Variants in ZNF407 observed in about 807,000 individuals in gnomAD.
ZNF407 encodes zinc finger protein 407.
In ZNF407, 17 loss-of-function variants were observed where a neutral mutation model predicts 131.2. The ratio of observed to expected loss-of-function variants is 0.13; its 90% CI spans 0.09 to 0.19. ZNF407 has a LOEUF of 0.19. Among genes scored for constraint, ZNF407 ranks in the 10% least tolerant of loss-of-function variants. The pLI is 1.00. For missense variants in ZNF407, 2,681 were observed against 2,830.6 expected, an observed-to-expected ratio of 0.95 and a Z score of 1.20; for synonymous variants, 1,156 against 1,062.0, an observed-to-expected ratio of 1.09 and a Z score of -1.72.
intron 8 of ZNF407, among the ~76,000 whole-genome samples, chr18:74,964,146 A>T (rs1972381473): frequency 6.6e-6 from 1 of 152,212 alleles, no homozygotes; most frequent in Non-Finnish European, 1.5e-5. Context: ...GTTATATAAC[A>T]GACTTTCATA....
intron 4 of ZNF407, among the ~76,000 whole-genome samples, chr18:74,859,546 A>C (rs1970908127): frequency 6.6e-6 from 1 of 152,198 alleles, no homozygotes; most frequent in Non-Finnish European, 1.5e-5. Flanking sequence ...TTTTTGTAGG[A>C]AAGTAGAAAG....
intron 8 of ZNF407, among the ~76,000 whole-genome samples, chr18:74,942,388 A>C (rs1013174022): frequency 1.3e-5 from 2 of 152,176 alleles, no homozygotes; most frequent in Non-Finnish European, 2.9e-5. Context: ...ATTGATGCCA[A>C]ACATGGAGGA....
chr18:74,689,108 C>T lies in ZNF407; in HGVS notation c.4802+47986C>T, dbSNP rs559287. On this transcript the variant is annotated intron_variant, in intron 3 of 8. Transcript: ENST00000299687. The stretch of plus-strand genomic sequence containing the variant: ...CTCCCAAAGTGCTGGGATTCACAGA[C>T]GTGAGCCACTGTGCTGGCCTATATC... Among the ~76,000 whole-genome samples the T allele has an allele frequency of 4.3e-3, 655 of 152,276 alleles. 5 individuals carry two copies. The highest frequency in any genetic ancestry group is 0.015 in the African/African-American group (623 of 41,572).
chr18:74,881,118 A>G lies in ZNF407; in HGVS notation c.5127A>G (p.Thr1709=). Residue 1709 remains threonine (T), a splice_region_variant and synonymous_variant, in exon 6 of 9, where the codon ACA becomes ACG. Coordinates refer to ENST00000299687, the MANE Select transcript of ZNF407 (RefSeq NM_017757.3). ...TCACCAAGCATCGCAGACAGCACAC[A>G]GGTCAGTTCCGATGCTGCACTGGCC... ...HALTKHRRQH[T]GEKPFKCDEC... is the part of the protein sequence containing the mutation. 1 of 1,570,048 alleles carries G rather than the reference A, an allele frequency of 6.4e-7. No homozygotes were observed. The highest frequency in any genetic ancestry group is 8.6e-7 in the Non-Finnish European group (1 of 1,158,068).
At chr18:74,787,873 T>C (rs9646578) in intron 4 of ZNF407, among the ~76,000 whole-genome samples, 121,055 of 152,220 alleles carry the variant, frequency 0.8, 51,809 homozygotes, top group East Asian at 0.96. Flanking sequence ...TCATAAAAGT[T>C]ACATGTTTAT....
At chr18:75,060,780 CAG>C (rs1232996628) in intron 8 of ZNF407, among the ~76,000 whole-genome samples, 1 of 152,232 alleles carries the variant, frequency 6.6e-6, no homozygotes, top group Non-Finnish European at 1.5e-5. Flanking sequence ...GCTGGGATGA[CAG>C]GCGTCGGCCA....
intron 7 of ZNF407, among the ~76,000 whole-genome samples, chr18:74,904,272 A>G (rs1364617148): frequency 6.6e-6 from 1 of 152,258 alleles, no homozygotes; most frequent in Non-Finnish European, 1.5e-5. Flanking sequence ...TATCAGAGGA[A>G]AATCTTCCAG....
At chr18:75,028,216 C>A (rs138210372) in intron 8 of ZNF407, among the ~76,000 whole-genome samples, 187 of 152,344 alleles carry the variant, frequency 1.2e-3, no homozygotes, top group African/African-American at 4.4e-3. Flanking sequence ...ATGGGCTGGG[C>A]GGCTTAAACA....
At chr18:75,030,517 G>A (rs1040692076) in intron 8 of ZNF407, among the ~76,000 whole-genome samples, 1 of 152,196 alleles carries the variant, frequency 6.6e-6, no homozygotes, top group African/African-American at 2.4e-5. Context: ...TCTGCAGGCT[G>A]ATAAAGTATT....
rs757314870 is a variant in ZNF407, at chr18:74,631,682, C to T, written c.663C>T (p.Ser221=). 1.9e-6 allele frequency: 3 copies of T among 1,613,816 alleles called. No homozygotes were observed. The African/African-American group carries it at 4.0e-5, about 22-fold the overall frequency. ...QPKEHTCCHC[S]HKAESSSALH... is the part of the protein sequence containing the mutation. Reference sequence around the variant, plus strand: ...AGGAACATACCTGTTGTCACTGCAGCCACAAAGCAGAGAGCAGCTCAGCAC... The same window carrying T: ...AGGAACATACCTGTTGTCACTGCAGTCACAAAGCAGAGAGCAGCTCAGCAC... The change falls in exon 2 of 9, where the codon AGC becomes AGT. Residue 221 remains serine, a synonymous_variant. Coordinates refer to ENST00000299687, the MANE Select transcript of ZNF407 (RefSeq NM_017757.3).
At chr18:74,900,533 C>G (rs1971510392) in intron 7 of ZNF407, among the ~76,000 whole-genome samples, 1 of 152,186 alleles carries the variant, frequency 6.6e-6, no homozygotes, top group South Asian at 2.1e-4. Flanking sequence ...CTGCTTGCTG[C>G]TAGCTAACAG....
chr18:75,064,362 G>A lies in ZNF407; in HGVS notation c.6641G>A (p.Ser2214Asn). ...ATLGTEAGAP[S>N]RAEQLASVVI... ...CTAGGCACAGAGGCCGGGGCCCCAAGCAGGGCAGAGCAGCTGGCCAGCGTG... is the reference window on the plus strand; with the variant it reads ...CTAGGCACAGAGGCCGGGGCCCCAAACAGGGCAGAGCAGCTGGCCAGCGTG... The change falls in exon 9 of 9, where the codon AGC (serine) becomes AAC (asparagine). Residue 2214 changes from serine to asparagine, a missense_variant. Physicochemically the swap from Ser to Asn is conservative, Grantham distance 46. Around this residue, in one of 6 missense-constraint regions of ZNF407, gnomAD observed 620 missense variants for 583.1 expected, o/e 1.06. Coordinates refer to ENST00000299687, the MANE Select transcript of ZNF407 (RefSeq NM_017757.3). The A allele has an allele frequency of 6.3e-7, 1 of 1,580,726 alleles. No individual in the cohort carries two copies. The highest frequency in any genetic ancestry group is 8.6e-7 in the Non-Finnish European group (1 of 1,164,022).
At chr18:74,798,437 T>A (rs1369337275) in intron 4 of ZNF407, among the ~76,000 whole-genome samples, 1 of 152,120 alleles carries the variant, frequency 6.6e-6, no homozygotes, top group East Asian at 1.9e-4. Flanking sequence ...CCAATTCTAT[T>A]TTTTTACCAG....
intron 7 of ZNF407, among the ~76,000 whole-genome samples, chr18:74,912,190 T>C (rs1971682702): frequency 6.6e-6 from 1 of 152,208 alleles, no homozygotes; most frequent in Admixed American, 6.5e-5. Flanking sequence ...GATAATATTA[T>C]TAACACATAT....
intron 4 of ZNF407, among the ~76,000 whole-genome samples, chr18:74,854,742 A>G (rs1032708271): frequency 4.6e-5 from 7 of 152,062 alleles, no homozygotes; most frequent in African/African-American, 1.7e-4. Flanking sequence ...GCCTATATAT[A>G]TAGTATCAAG....
At chr18:74,884,454 G>A (rs1244035502) in intron 6 of ZNF407, among the ~76,000 whole-genome samples, 1 of 152,170 alleles carries the variant, frequency 6.6e-6, no homozygotes, top group Non-Finnish European at 1.5e-5. Flanking sequence ...TGTATAAATT[G>A]ACATGGACTT....
intron 7 of ZNF407, among the ~76,000 whole-genome samples, chr18:74,899,922 T>G (rs1192653806): frequency 3.3e-5 from 5 of 152,178 alleles, no homozygotes. Flanking sequence ...CACAGAAACT[T>G]TGCCTTGAGG....
In ZNF407 at chr18:74,604,480, ATCT is replaced by A. The variant is rs1982713914; in HGVS notation, c.-54+6547_-54+6549del. Among the ~76,000 whole-genome samples, 6 of 152,294 alleles carry A rather than the reference ATCT, an allele frequency of 3.9e-5. No individual in the cohort carries two copies. The South Asian group carries it at 1.2e-3, about 32-fold the overall frequency. Reference sequence around the variant, plus strand: ...ACAGCTTGCCAGCCCAAAGTGTCAGATCTTCTCTCAGGGGTGGTCCTTGCAATT... The same window carrying A: ...ACAGCTTGCCAGCCCAAAGTGTCAGATCTCTCAGGGGTGGTCCTTGCAATT... On this transcript the variant is annotated intron_variant, in intron 1 of 8. Transcript: ENST00000299687.
intron 8 of ZNF407, among the ~76,000 whole-genome samples, chr18:74,922,092 C>T (rs1971853990): frequency 1.3e-5 from 2 of 152,222 alleles, no homozygotes; most frequent in African/African-American, 2.4e-5. Context: ...GAGGTCTCTG[C>T]TCATTCCCTT....
Sources: gnomAD v4.1 joint callset for allele counts (sites outside exome capture counted in the v4.1 genomes callset) on GRCh38, gnomAD v4.1.1 for gene constraint, gnomAD v4.1.1 regional missense constraint, MANE v1.5 for transcripts, NCBI Gene and HGNC (gene_info 2026-07-23, HGNC 2026-07-21) for gene names.